PEX11G: variants seen among roughly 807,000 people sequenced by gnomAD.
PEX11G encodes the protein peroxisomal biogenesis factor 11 gamma.
A neutral mutation model predicts 22.5 loss-of-function variants in PEX11G; 20 were observed. The observed-to-expected ratio is 0.89, with a 90% CI of 0.62 to 1.29. The LOEUF is 1.29. Among genes scored for constraint, PEX11G ranks in the 50% most tolerant of loss-of-function variants. The pLI, the probability that PEX11G is intolerant of heterozygous loss-of-function variation, is 0.00. For synonymous variants in PEX11G, 141 were observed against 154.5 expected, an observed-to-expected ratio of 0.91 and a Z score of 0.65; for missense variants, 347 against 331.3, an observed-to-expected ratio of 1.05 and a Z score of -0.37.
intron 4 of PEX11G, 33 bp from the exon 5 acceptor site, chr19:7,477,469 G>A (rs1452673872): frequency 2.9e-6 from 4 of 1,380,382 alleles, no homozygotes; most frequent in Non-Finnish European, 2.8e-6. Flanking sequence ...TTACACTCAC[G>A]CTCACACCTG....
upstream of PEX11G, among the ~76,000 whole-genome samples, chr19:7,493,301 T>C (rs975668903): frequency 2.0e-5 from 3 of 148,532 alleles, no homozygotes. Flanking sequence ...CAAGCAATTC[T>C]CCTGCCTCAG....
intron 3 of PEX11G, among the ~76,000 whole-genome samples, chr19:7,479,070 C>G (rs1026655502): frequency 6.6e-6 from 1 of 152,242 alleles, no homozygotes; most frequent in Non-Finnish European, 1.5e-5. Context: ...GGTCACAACT[C>G]CTCTGGCCAC....
At chr19:7,478,904 TGAGG>T (rs964124111) in intron 3 of PEX11G, among the ~76,000 whole-genome samples, 1 of 152,120 alleles carries the variant, frequency 6.6e-6, no homozygotes, top group African/African-American at 2.4e-5. Context: ...ATCTGCAGGC[TGAGG>T]AAGGGGCTAC....
chr19:7,477,841 A>AC (rs1977297731), intron 4 of PEX11G, among the ~76,000 whole-genome samples: 2 of 152,122 alleles, frequency 1.3e-5, no homozygotes, highest in African/African-American at 4.8e-5. Flanking sequence ...ATATGGCGAG[A>AC]CCCCATCTCC....
At chr19:7,488,806 T>C in intron 1 of PEX11G, 145 bp downstream of exon 1, 1 of 814,626 alleles carries the variant, frequency 1.2e-6, no homozygotes, top group Non-Finnish European at 2.0e-6. Context: ...TGTCCAATGC[T>C]AGGGCACCGC....
chr19:7,483,859 T>C (rs1417094719), intron 2 of PEX11G, among the ~76,000 whole-genome samples: 1 of 151,804 alleles, frequency 6.6e-6, no homozygotes, highest in Non-Finnish European at 1.5e-5. Context: ...GATCATCCCG[T>C]GGGGGGCAAG....
chr19:7,489,097 G>A, upstream of PEX11G: 1 of 1,354,590 alleles, frequency 7.4e-7, no homozygotes, highest in Non-Finnish European at 9.5e-7. Flanking sequence ...CCAAAGGCTT[G>A]CGCGCAGGCG....
upstream of PEX11G, among the ~76,000 whole-genome samples, chr19:7,492,356 C>T (rs1165240435): frequency 6.6e-6 from 1 of 152,132 alleles, no homozygotes; most frequent in Non-Finnish European, 1.5e-5. Flanking sequence ...TGATAGCCAT[C>T]GTAGTAGGTG....
At chr19:7,487,053 G>A (rs73488457) in intron 1 of PEX11G, among the ~76,000 whole-genome samples, 40,587 of 150,350 alleles carry the variant, frequency 0.27, 5,969 homozygotes, top group African/African-American at 0.41. Flanking sequence ...TCTAAAAAAA[G>A]AAAAAGAAAA....
upstream of PEX11G, among the ~76,000 whole-genome samples, chr19:7,491,287 T>C (rs896817500): frequency 4.4e-5 from 5 of 112,894 alleles, no homozygotes; most frequent in Non-Finnish European, 9.1e-5. Context: ...TTTTTTTTTT[T>C]GAGACAGAGT....
chr19:7,492,195 T>C (rs1488810333), upstream of PEX11G, among the ~76,000 whole-genome samples: 1 of 152,196 alleles, frequency 6.6e-6, no homozygotes, highest in East Asian at 1.9e-4. Flanking sequence ...TACCTAGAAG[T>C]GGGGTTGCTG....
chr19:7,485,360 A>G (rs1381028772), intron 2 of PEX11G, among the ~76,000 whole-genome samples: 2 of 149,600 alleles, frequency 1.3e-5, no homozygotes, highest in Middle Eastern at 3.5e-3. Flanking sequence ...CAGTAGAGAC[A>G]GGGTTTTTTT....
chr19:7,478,456 A>C, intron 3 of PEX11G, 80 bp from the exon 4 acceptor site: 1 of 1,405,938 alleles, frequency 7.1e-7, no homozygotes, highest in Non-Finnish European at 9.8e-7. Flanking sequence ...CCGGACATAC[A>C]GTCTGGGACA....
chr19:7,489,174 A>C (rs1413625273), upstream of PEX11G: 2 of 760,522 alleles, frequency 2.6e-6, no homozygotes, highest in Non-Finnish European at 3.2e-6. Flanking sequence ...GAGTTTGCAG[A>C]GGTGGGGCCG....
intron 1 of PEX11G, among the ~76,000 whole-genome samples, chr19:7,494,553 C>T (rs368645117): frequency 1.3e-4 from 20 of 152,276 alleles, no homozygotes; most frequent in East Asian, 1.2e-3. Flanking sequence ...TCCTGTGTGC[C>T]GGGTCCCGCT....
upstream of PEX11G, among the ~76,000 whole-genome samples, chr19:7,490,153 C>T (rs114939311): frequency 0.011 from 1,676 of 150,710 alleles, 20 homozygotes; most frequent in Middle Eastern, 0.028. Context: ...CCACCGCACC[C>T]GGCCTCAATG....
Position 7,485,754 on chromosome 19 carries a change from C to A in PEX11G, c.249+84G>T, listed in dbSNP as rs2021616608. The A allele has an allele frequency of 1.3e-5, 17 of 1,270,822 alleles. 1 individual carries two copies. The South Asian group carries it at 2.7e-4, about 20-fold the overall frequency. 78.7% of individuals were successfully genotyped at this position (1,270,822 alleles called of 1,614,324 possible). On this transcript the variant is annotated intron_variant, in intron 2 of 4. Transcript: ENST00000221480. ...AAAGTGCTGGGATTACAAGCATGAGCCACTGTGAGGGGCCAAAAAATTTTT... is the reference window on the plus strand; with the variant it reads ...AAAGTGCTGGGATTACAAGCATGAGACACTGTGAGGGGCCAAAAAATTTTT...
Position 7,477,124 on chromosome 19 carries a change from C to G in PEX11G, c.*78G>C. 1 of 1,319,762 alleles carries G rather than the reference C, an allele frequency of 7.6e-7. No individual in the cohort carries two copies. The highest frequency in any genetic ancestry group is 9.9e-7 in the Non-Finnish European group (1 of 1,006,498). 81.8% of individuals were successfully genotyped at this position (1,319,762 alleles called of 1,614,324 possible). Reference sequence around the variant, plus strand: ...CAGGCAGCTCCATGAGAGCCCCGGCCCCTGCCCTGGCGGCTTCTGCTTTGC... The same window carrying G: ...CAGGCAGCTCCATGAGAGCCCCGGCGCCTGCCCTGGCGGCTTCTGCTTTGC... On this transcript the variant is annotated 3_prime_UTR_variant, in exon 5 of 5. Transcript: ENST00000221480.
At chr19:7,488,843 C>A in intron 1 of PEX11G, 108 bp downstream of exon 1, 1 of 1,180,032 alleles carries the variant, frequency 8.5e-7, no homozygotes, top group Non-Finnish European at 1.2e-6. Flanking sequence ...GACGGGGCCT[C>A]TGCGACGGAG....
Sources: allele counts gnomAD v4.1 joint callset (sites outside exome capture counted in the v4.1 genomes callset), GRCh38; gene constraint gnomAD v4.1.1; transcripts MANE v1.5; gene names NCBI Gene and HGNC (gene_info 2026-07-23, HGNC 2026-07-21).